The following KCNJ15 variants were observed in gnomAD, a reference collection of about 807,000 sequenced individuals.
The protein encoded by KCNJ15 is potassium inwardly rectifying channel subfamily J member 15, also known as ATP-sensitive inward rectifier potassium channel 15.
KCNJ15 carries 14 observed loss-of-function variants against 23.0 expected under a neutral mutation model. The ratio of observed to expected loss-of-function variants is 0.61; its 90% CI spans 0.40 to 0.95. The LOEUF is 0.95. Ranked by LOEUF, KCNJ15 falls within the 40% of genes least tolerant of loss-of-function variation. The pLI is 0.00. For missense variants in KCNJ15, 388 were observed against 461.8 expected (o/e 0.84, Z 1.46); for synonymous variants, 185 against 183.2 (o/e 1.01, Z -0.08).
upstream of KCNJ15, among the ~76,000 whole-genome samples, chr21:38,252,444 A>G (rs1244955938): frequency 2.0e-5 from 3 of 152,160 alleles, no homozygotes; most frequent in Admixed American, 6.5e-5. Flanking sequence ...AATTTACTCC[A>G]GTTTAGGAAC....
intron 1 of KCNJ15, among the ~76,000 whole-genome samples, chr21:38,292,628 A>T (rs1984720823): frequency 6.6e-6 from 1 of 152,126 alleles, no homozygotes; most frequent in African/African-American, 2.4e-5. Context: ...TTCTTTTTGT[A>T]TTCAGTGTTG....
intron 1 of KCNJ15, among the ~76,000 whole-genome samples, chr21:38,259,674 T>C (rs543293556): frequency 6.6e-6 from 1 of 152,352 alleles, no homozygotes; most frequent in South Asian, 2.1e-4. Context: ...CTCTCTCTTC[T>C]GTCCTTTACC....
At chr21:38,237,902 G>A (rs769490949) in intron 1 of KCNJ15, among the ~76,000 whole-genome samples, 1 of 152,114 alleles carries the variant, frequency 6.6e-6, no homozygotes, top group African/African-American at 2.4e-5. Context: ...CATCGCAATG[G>A]TATGTCCTTC....
At position 38,307,349 on chromosome 21, in the gene KCNJ15, CA is replaced by C. The variant is rs1445355540; in HGVS notation, c.*6961del. The C allele has an allele frequency of 6.6e-6, 1 of 152,044 alleles. No homozygotes were observed. Among genetic ancestry groups the C allele is most frequent in the Non-Finnish European group, 1.5e-5 (1 of 68,012 alleles). 9.4% of individuals were successfully genotyped at this position (152,044 alleles called of 1,614,324 possible). A position where few individuals can be genotyped will look rare whatever the true frequency, so the allele number is the denominator to read the frequency against. ...GGCAAACACTATAAAGCTAATTTTA[CA>C]GTCTTGAGTTTCTTTTTGTTTCACT... On this transcript the variant is annotated 3_prime_UTR_variant, in exon 3 of 3. Coordinates refer to ENST00000398938, the MANE Select transcript of KCNJ15 (RefSeq NM_170736.3).
chr21:38,267,784 C>T (rs1346726062), intron 1 of KCNJ15, among the ~76,000 whole-genome samples: 1 of 152,206 alleles, frequency 6.6e-6, no homozygotes, highest in Non-Finnish European at 1.5e-5. Context: ...TGGCTGTCTT[C>T]AAGCCTATTA....
intron 1 of KCNJ15, among the ~76,000 whole-genome samples, chr21:38,258,797 T>G (rs1568991379): frequency 6.6e-6 from 1 of 152,330 alleles, no homozygotes; most frequent in East Asian, 1.9e-4. Flanking sequence ...GAAAGTCTTA[T>G]TTCCCCAATT....
chr21:38,234,347 G>A (rs1320265445), intron 1 of KCNJ15, among the ~76,000 whole-genome samples: 1 of 152,112 alleles, frequency 6.6e-6, no homozygotes, highest in Non-Finnish European at 1.5e-5. Flanking sequence ...TTCCAATGTG[G>A]CCTAGGGAAG....
At chr21:38,237,403 C>A (rs1411954965) in intron 1 of KCNJ15, 4 of 152,260 alleles carry the variant, frequency 2.6e-5, no homozygotes, top group Admixed American at 2.6e-4. Context: ...CCTGGGCCTT[C>A]TTTTCAGCTT....
Position 38,299,781 on chromosome 21 carries a change from CG to C in KCNJ15, c.523del (p.Ala175LeufsTer22). The stretch of plus-strand genomic sequence containing the variant: ...GGCCAAAATCGCCAGACCCAAAAAG[CG>C]GGCTGAGACCATCAAGTTCAGCCAC... ...FLAKIARPKKRAETIKFSHCA... is the reference protein window; with the variant it reads ...FLAKIARPKKXAETIKFSHCA... On this transcript the variant is annotated frameshift_variant, in exon 3 of 3. Coordinates refer to ENST00000398938, the MANE Select transcript of KCNJ15 (RefSeq NM_170736.3). LOFTEE classifies it high-confidence loss of function. This position sits in a 1 kb window ranked among gnomAD's most constrained non-coding sequence, Gnocchi z 4.5. The C allele has an allele frequency of 6.2e-7, 1 of 1,614,022 alleles. No homozygotes were observed. Among genetic ancestry groups the C allele is most frequent in the Non-Finnish European group, 8.5e-7 (1 of 1,180,014 alleles).
chr21:38,258,819 C>T (rs1460754001), intron 1 of KCNJ15, among the ~76,000 whole-genome samples: 2 of 152,210 alleles, frequency 1.3e-5, no homozygotes, highest in East Asian at 1.9e-4. Context: ...CCTCTCCTCA[C>T]ACTTCTCACC....
intron 1 of KCNJ15, among the ~76,000 whole-genome samples, chr21:38,273,027 A>C (rs1728333521): frequency 6.6e-6 from 1 of 152,256 alleles, no homozygotes; most frequent in Admixed American, 6.5e-5. Flanking sequence ...ATATACAAAT[A>C]AGTAACTTTC....
intron 1 of KCNJ15, among the ~76,000 whole-genome samples, chr21:38,285,292 T>C (rs1385263393): frequency 1.3e-5 from 2 of 152,224 alleles, no homozygotes; most frequent in Non-Finnish European, 2.9e-5. Context: ...CAGTTAACAC[T>C]TGTGTAATGA....
intron 1 of KCNJ15, among the ~76,000 whole-genome samples, chr21:38,269,779 G>A (rs774365977): frequency 3.7e-4 from 57 of 152,160 alleles, no homozygotes; most frequent in Admixed American, 6.5e-4. Context: ...AGTTTTGCAC[G>A]AGGAGAGCAC....
rs993249078 is a variant in KCNJ15, at chr21:38,234,771, T to C, written c.-398-22275T>C. Among the ~76,000 whole-genome samples the C allele has an allele frequency of 5.3e-5, 8 of 152,256 alleles. 1 individual carries two copies. Among genetic ancestry groups the C allele is most frequent in the Admixed American group, 4.6e-4 (7 of 15,282 alleles). On this transcript the variant is annotated intron_variant, in intron 1 of 4. Coordinates refer to the KCNJ15 transcript ENST00000547341. ...GAGTTTATGCATAAAGACATCTTTTTTCAGAAGCTGAATAATGAGCAAATC... is the reference window on the plus strand; with the variant it reads ...GAGTTTATGCATAAAGACATCTTTTCTCAGAAGCTGAATAATGAGCAAATC...
At chr21:38,248,606 C>A (rs1979613538) in intron 1 of KCNJ15, among the ~76,000 whole-genome samples, 1 of 152,212 alleles carries the variant, frequency 6.6e-6, no homozygotes, top group Admixed American at 6.5e-5. Context: ...AGCTCAGGAT[C>A]TCTGCATACA....
At chr21:38,273,397 C>A (rs1226472819) in intron 1 of KCNJ15, among the ~76,000 whole-genome samples, 1 of 152,184 alleles carries the variant, frequency 6.6e-6, no homozygotes, top group East Asian at 1.9e-4. Context: ...ATTTGAATAA[C>A]TTTATTTTGT....
chr21:38,293,500 T>C (rs967786059), intron 1 of KCNJ15, among the ~76,000 whole-genome samples: 5 of 152,186 alleles, frequency 3.3e-5, no homozygotes, highest in Non-Finnish European at 7.3e-5. Context: ...GCAACATACA[T>C]CAACCACAAC....
rs1986015995 is a variant in KCNJ15, at chr21:38,305,181, C to T, written c.*4792C>T. The T allele has an allele frequency of 6.6e-6, 1 of 152,050 alleles. No individual in the cohort carries two copies. Among genetic ancestry groups the T allele is most frequent in the Admixed American group, 6.6e-5 (1 of 15,264 alleles). The allele number at this position is 152,050 out of a possible 1,614,324, so 9.4% of individuals were successfully genotyped here. A position where few individuals can be genotyped will look rare whatever the true frequency, so the allele number is the denominator to read the frequency against. On this transcript the variant is annotated 3_prime_UTR_variant, in exon 3 of 3. Coordinates refer to ENST00000398938, the MANE Select transcript of KCNJ15 (RefSeq NM_170736.3). ...TCACTTCACTTAACCCTATGGCCCTCCTTATCTTGCACCCAATTTCTTTTC... is the reference window on the plus strand; with the variant it reads ...TCACTTCACTTAACCCTATGGCCCTTCTTATCTTGCACCCAATTTCTTTTC...
In KCNJ15 at chr21:38,295,172, C is replaced by A. The variant is rs142379933; in HGVS notation, c.-116-1754C>A. ...TACTTTTATTATTATTTTCATATCACTCTAGTATATCAACTTTGGAAACAA... is the reference window on the plus strand; with the variant it reads ...TACTTTTATTATTATTTTCATATCAATCTAGTATATCAACTTTGGAAACAA... On this transcript the variant is annotated intron_variant, in intron 1 of 2. Transcript: ENST00000398938. Among the ~76,000 whole-genome samples, 1,283 of 152,250 alleles carry A rather than the reference C, an allele frequency of 8.4e-3. 20 individuals are homozygous for A. The highest frequency in any genetic ancestry group is 0.03 in the African/African-American group (1,246 of 41,538).
Sources: allele counts gnomAD v4.1 joint callset (sites outside exome capture counted in the v4.1 genomes callset), GRCh38; gene constraint gnomAD v4.1.1; non-coding constraint Gnocchi (gnomAD v3.1); transcripts MANE v1.5; gene names NCBI Gene and HGNC (gene_info 2026-07-23, HGNC 2026-07-21).